Variants in KANK4 observed in about 807,000 individuals in gnomAD.
KANK4 encodes the protein KN motif and ankyrin repeat domain-containing protein 4.
A neutral mutation model predicts 80.8 loss-of-function variants in KANK4; 50 were observed. The ratio of observed to expected loss-of-function variants is 0.62; its 90% confidence interval spans 0.49 to 0.78. The LOEUF (loss-of-function observed/expected upper bound fraction) is 0.78, where lower values mean the gene tolerates loss of function less well. Among genes scored for constraint, KANK4 ranks in the 30% least tolerant of loss-of-function variants. The pLI, the probability that KANK4 is intolerant of heterozygous loss-of-function variation, is 0.00. For synonymous variants in KANK4, 465 were observed against 506.9 expected (o/e 0.92, Z 1.11); for missense variants, 1,196 against 1,240.1 (o/e 0.96, Z 0.53).
chr1:62,280,288 G>A (rs1487925000), intron 2 of KANK4, among the ~76,000 whole-genome samples: 2 of 152,198 alleles, frequency 1.3e-5, no homozygotes, highest in African/African-American at 4.8e-5. Context: ...AAAGGAGGGA[G>A]CCTTTCTTGG....
rs754201153 is a variant in KANK4, at chr1:62,273,902, T to C, written c.1202A>G (p.Glu401Gly). 2.5e-6 allele frequency: 4 copies of C among 1,614,226 alleles called. No homozygotes were observed. The highest frequency in any genetic ancestry group is 1.6e-4 in the Middle Eastern group (1 of 6,062). Reference protein sequence around the residue: ...VAQLEGQFHQENAKDTQGQTD... With the variant: ...VAQLEGQFHQGNAKDTQGQTD... ...CTGGCCCTGAGTGTCTTTGGCGTTC[T>C]CTTGGTGAAACTGTCCTTCCAGTTG... The change falls in exon 3 of 10, where the codon GAG becomes GGG. Residue 401 changes from glutamate (E) to glycine (G), a missense_variant. Glu to Gly is a moderately conservative substitution (Grantham distance 98). Coordinates refer to ENST00000371153, the MANE Select transcript of KANK4 (RefSeq NM_181712.5).
chr1:62,299,530 T>C (rs982653103), intron 1 of KANK4, among the ~76,000 whole-genome samples: 1 of 151,942 alleles, frequency 6.6e-6, no homozygotes, highest in African/African-American at 2.4e-5. Flanking sequence ...CAAGGAAGGA[T>C]TGCCAAGGAG....
At chr1:62,279,196 GCGCACA>G (rs1282409544) in intron 2 of KANK4, among the ~76,000 whole-genome samples, 1 of 51,682 alleles carries the variant, frequency 1.9e-5, no homozygotes, top group East Asian at 3.7e-4. Flanking sequence ...AAGCTAGCGC[GCGCACA>G]CACACACACA....
intron 1 of KANK4, among the ~76,000 whole-genome samples, chr1:62,287,468 G>A (rs1672594661): frequency 6.6e-6 from 1 of 152,186 alleles, no homozygotes; most frequent in Admixed American, 6.5e-5. Context: ...AACCCATGCT[G>A]AAATTGATGC....
intron 8 of KANK4, among the ~76,000 whole-genome samples, chr1:62,249,615 T>A (rs1206141290): frequency 6.6e-6 from 1 of 151,230 alleles, no homozygotes; most frequent in African/African-American, 2.4e-5. Context: ...CAATCTCGGC[T>A]CACTGCAACC....
In KANK4 at chr1:62,274,512, T is replaced by C. The variant is rs750385809; in HGVS notation, c.592A>G (p.Ser198Gly). The change falls in exon 3 of 10, where the codon AGT becomes GGT. Residue 198 changes from serine (S) to glycine (G), a missense_variant. Physicochemically the swap from Ser to Gly is moderately conservative, Grantham distance 56. Transcript: ENST00000371153. ...PALPPLQGEG[S>G]VCDGTFEPAE... ...GGTTCAAAGGTGCCATCACAGACACTGCCTTCACCCTGAAGGGGAGGGAGG... is the reference window on the plus strand; with the variant it reads ...GGTTCAAAGGTGCCATCACAGACACCGCCTTCACCCTGAAGGGGAGGGAGG... The C allele has an allele frequency of 1.1e-5, 17 of 1,614,048 alleles. No individual in the cohort carries two copies. The African/African-American group carries it at 2.1e-4, about 20-fold the overall frequency.
At chr1:62,248,956 A>T (rs1671538834) in intron 8 of KANK4, among the ~76,000 whole-genome samples, 1 of 148,204 alleles carries the variant, frequency 6.7e-6, no homozygotes, top group Admixed American at 6.7e-5. Context: ...TGAGGTCAGG[A>T]GTTCAAGACC....
chr1:62,291,530 C>A (rs994597193), intron 1 of KANK4, among the ~76,000 whole-genome samples: 1 of 152,210 alleles, frequency 6.6e-6, no homozygotes, highest in East Asian at 1.9e-4. Flanking sequence ...CAGGCTCAAA[C>A]GCCTGGGCTC....
intron 1 of KANK4, 36 bp downstream of exon 1, chr1:62,319,070 C>G (rs550591048): frequency 4.7e-4 from 72 of 152,376 alleles, no homozygotes; most frequent in African/African-American, 1.7e-3. Flanking sequence ...CCCCAGCAGA[C>G]GCACTGCGGG....
At chr1:62,285,869 C>G (rs1476391526) in intron 1 of KANK4, among the ~76,000 whole-genome samples, 1 of 152,162 alleles carries the variant, frequency 6.6e-6, no homozygotes, top group Non-Finnish European at 1.5e-5. Context: ...AGGACCCCAG[C>G]CTTTCAAGTG....
At chr1:62,305,498 A>G (rs974192302) in intron 1 of KANK4, among the ~76,000 whole-genome samples, 1 of 151,996 alleles carries the variant, frequency 6.6e-6, no homozygotes, top group Non-Finnish European at 1.5e-5. Flanking sequence ...TTTAGTAGAG[A>G]TGGGGTTTTG....
chr1:62,267,348 T>C (rs965004019), intron 5 of KANK4, among the ~76,000 whole-genome samples: 7 of 152,030 alleles, frequency 4.6e-5, no homozygotes, highest in Admixed American at 6.6e-5. Context: ...CTTCCTGTGT[T>C]GATCTGAAGG....
intron 6 of KANK4, among the ~76,000 whole-genome samples, chr1:62,265,444 A>G (rs1181827938): frequency 6.6e-6 from 1 of 151,362 alleles, no homozygotes; most frequent in African/African-American, 2.4e-5. Context: ...GTTTTGCCAT[A>G]TTGCCCAGGC....
At chr1:62,239,608 G>A (rs1282669211) in intron 9 of KANK4, among the ~76,000 whole-genome samples, 5 of 152,050 alleles carry the variant, frequency 3.3e-5, no homozygotes, top group African/African-American at 1.2e-4. Flanking sequence ...TTGGTGTGCT[G>A]CACCCATTAA....
chr1:62,278,326 TTCCTTCCTTCCTTCCTTC>T lies in KANK4; in HGVS notation c.16+3205_16+3222del, dbSNP rs1672360037. Among the ~76,000 whole-genome samples, 77 of 39,060 alleles carry T rather than the reference TTCCTTCCTTCCTTCCTTC, an allele frequency of 2.0e-3. 13 individuals carry two copies. Among genetic ancestry groups the T allele is most frequent in the Middle Eastern group, 0.012 (1 of 86 alleles). The allele number at this position is 39,060 out of a possible 152,430, so 25.6% of individuals were successfully genotyped here. The stretch of plus-strand genomic sequence containing the variant: ...TCCTGGGGCACATTTTCTTTCTTCC[TTCCTTCCTTCCTTCCTTC>T]CTTCCTTCCTTCCTTCCTTCCTTCC... On this transcript the variant is annotated intron_variant, in intron 2 of 9. Transcript: ENST00000371153.
At position 62,274,815 on chromosome 1, in the gene KANK4, T is replaced by C. The variant is rs1266265290; in HGVS notation, c.289A>G (p.Arg97Gly). ...PLQNWSPVVP[R>G]EASLGTQEQN... ...TCCTGTGTCCCAAGTGATGCCTCCCTTGGCACCACGGGAGACCAGTTTTGG... is the reference window on the plus strand; with the variant it reads ...TCCTGTGTCCCAAGTGATGCCTCCCCTGGCACCACGGGAGACCAGTTTTGG... Residue 97 changes from arginine to glycine, a missense_variant, in exon 3 of 10, where the codon AGG (arginine) becomes GGG (glycine). This residue lies in a region of KANK4 where 1,154 missense variants were observed against 1,179.6 expected (regional missense o/e 0.98). Coordinates refer to ENST00000371153, the MANE Select transcript of KANK4 (RefSeq NM_181712.5). 6.2e-7 allele frequency: 1 copy of C among 1,614,080 alleles called. No homozygotes were observed. The highest frequency in any genetic ancestry group is 8.5e-7 in the Non-Finnish European group (1 of 1,180,002).
chr1:62,242,037 T>C (rs1410792416), intron 9 of KANK4, among the ~76,000 whole-genome samples: 1 of 152,096 alleles, frequency 6.6e-6, no homozygotes, highest in Non-Finnish European at 1.5e-5. Flanking sequence ...CAGATGCCTC[T>C]GCCAGAACTC....
At chr1:62,241,943 C>T (rs983130130) in intron 9 of KANK4, among the ~76,000 whole-genome samples, 4 of 152,122 alleles carry the variant, frequency 2.6e-5, no homozygotes, top group Non-Finnish European at 4.4e-5. Flanking sequence ...GTGGACTCCT[C>T]GACTGCAGAC....
chr1:62,266,272 A>G (rs1672016331), intron 6 of KANK4, among the ~76,000 whole-genome samples: 1 of 152,226 alleles, frequency 6.6e-6, no homozygotes. Context: ...GAGAACACCC[A>G]GAGGAAATGG....
Sources: gnomAD v4.1 joint callset for allele counts (sites outside exome capture counted in the v4.1 genomes callset) on GRCh38, gnomAD v4.1.1 for gene constraint, gnomAD v4.1.1 regional missense constraint, MANE v1.5 for transcripts, NCBI Gene and HGNC (gene_info 2026-07-23, HGNC 2026-07-21) for gene names.